Variants in OR4Q3 observed in about 807,000 individuals in gnomAD.
The protein encoded by OR4Q3 is olfactory receptor family 4 subfamily Q member 3.
In OR4Q3, 17 loss-of-function variants were observed where a neutral mutation model predicts 18.8. The ratio of observed to expected loss-of-function variants is 0.91; its 90% CI spans 0.62 to 1.36. The LOEUF is 1.36. OR4Q3 is among the 40% of genes most tolerant of loss of function. The pLI, the probability that OR4Q3 is intolerant of heterozygous loss-of-function variation, is 0.00. For missense variants in OR4Q3, 378 were observed against 373.4 expected (o/e 1.01, Z -0.10); for synonymous variants, 158 against 145.8 (o/e 1.08, Z -0.60).
chr14:19,752,293 A>C, downstream of OR4Q3, among the ~76,000 whole-genome samples: 1 of 152,224 alleles, frequency 6.6e-6, no homozygotes, highest in African/African-American at 2.4e-5. Context: ...CTAATATCCC[A>C]AATGTAAATA....
downstream of OR4Q3, among the ~76,000 whole-genome samples, chr14:19,751,598 C>A: frequency 6.6e-6 from 1 of 151,482 alleles, no homozygotes; most frequent in African/African-American, 2.4e-5. Context: ...GGATTACAAT[C>A]TCTTCCTAAT....
chr14:19,748,045 G>A, exon 2 of OR4Q3: 1 of 1,614,042 alleles, frequency 6.2e-7, no homozygotes, highest in Non-Finnish European at 8.5e-7. Context: ...ACAGTGGTCT[G>A]CTGTCTCTTG....
intron 1 of OR4Q3, among the ~76,000 whole-genome samples, chr14:19,746,526 G>A: frequency 3.3e-4 from 50 of 152,254 alleles, no homozygotes; most frequent in Middle Eastern, 3.4e-3. Flanking sequence ...GCATGCCTCC[G>A]TGATATGGGT....
chr14:19,750,788 T>C, downstream of OR4Q3, among the ~76,000 whole-genome samples: 4 of 152,376 alleles, frequency 2.6e-5, no homozygotes, highest in Admixed American at 6.5e-5. Context: ...GATTTCTAAA[T>C]AGTGTGGGTG....
chr14:19,749,620 A>G, downstream of OR4Q3, among the ~76,000 whole-genome samples: 1 of 148,020 alleles, frequency 6.8e-6, no homozygotes, highest in Non-Finnish European at 1.5e-5. Flanking sequence ...AAAAAAAAAA[A>G]AAAAAAAAAA....
At chr14:19,746,812 C>T in intron 1 of OR4Q3, among the ~76,000 whole-genome samples, 2 of 152,182 alleles carry the variant, frequency 1.3e-5, no homozygotes, top group Admixed American at 1.3e-4. Flanking sequence ...AACATTCTTC[C>T]TTCGATTTGA....
intron 1 of OR4Q3, among the ~76,000 whole-genome samples, chr14:19,746,378 G>A: frequency 5.9e-5 from 9 of 152,088 alleles, no homozygotes; most frequent in East Asian, 3.9e-4. Flanking sequence ...TGTAGAGCAG[G>A]GGAAAATGGA....
intron 1 of OR4Q3, 65 bp downstream of exon 1, chr14:19,743,736 T>C (rs572538571): frequency 1.3e-5 from 2 of 152,280 alleles, no homozygotes; most frequent in African/African-American, 2.4e-5. Flanking sequence ...TTTGATGCTA[T>C]TTTTATGTTT....
chr14:19,747,675 T>C, exon 2 of OR4Q3: 1 of 1,614,068 alleles, frequency 6.2e-7, no homozygotes, highest in Non-Finnish European at 8.5e-7. Context: ...CCAAAGATGT[T>C]AGGGGATTTC....
At chr14:19,745,511 T>C in intron 1 of OR4Q3, among the ~76,000 whole-genome samples, 1 of 152,318 alleles carries the variant, frequency 6.6e-6, no homozygotes, top group East Asian at 1.9e-4. Flanking sequence ...TAACATTGTG[T>C]AGGATTATGT....
At chr14:19,744,896 A>C in intron 1 of OR4Q3, among the ~76,000 whole-genome samples, 1 of 152,084 alleles carries the variant, frequency 6.6e-6, no homozygotes. Context: ...CACAGGCTTA[A>C]TTTCTTATTG....
downstream of OR4Q3, among the ~76,000 whole-genome samples, chr14:19,750,263 G>A: frequency 1.2e-4 from 18 of 152,256 alleles, no homozygotes; most frequent in African/African-American, 3.6e-4. Context: ...GGGATTACAG[G>A]CATGAGCCAC....
chr14:19,748,348 T>C, exon 2 of OR4Q3: 19 of 1,608,814 alleles, frequency 1.2e-5, no homozygotes, highest in East Asian at 2.2e-5. Context: ...TAAAACCATG[T>C]GGCATTCCAT....
chr14:19,749,684 A>G, downstream of OR4Q3, among the ~76,000 whole-genome samples: 6 of 147,182 alleles, frequency 4.1e-5, no homozygotes, highest in South Asian at 8.5e-4. Context: ...ATTTCTCCTC[A>G]GAAAGAGTAT....
intron 1 of OR4Q3, among the ~76,000 whole-genome samples, chr14:19,746,521 C>A: frequency 6.6e-6 from 1 of 152,156 alleles, no homozygotes; most frequent in Non-Finnish European, 1.5e-5. Flanking sequence ...TTTGTGCATG[C>A]CTCCGTGATA....
chr14:19,748,589 A>C lies in OR4Q3; in HGVS notation c.*220A>C. On this transcript the variant is annotated 3_prime_UTR_variant, in exon 2 of 2. Coordinates refer to ENST00000642117, the Ensembl canonical transcript of OR4Q3. ...CATAATCAAGAGAACTCAGGAACTC[A>C]GTAGAATTTACTGGCCACAAACGAT... 15 of 506,220 alleles carry C rather than the reference A, an allele frequency of 3.0e-5. No individual in the cohort carries two copies. In the East Asian group the frequency reaches 4.6e-4, roughly 16 times the overall value. 31.4% of individuals were successfully genotyped at this position (506,220 alleles called of 1,614,324 possible).
exon 2 of OR4Q3, chr14:19,748,443 A>G: frequency 4.5e-6 from 5 of 1,110,014 alleles, no homozygotes; most frequent in East Asian, 2.5e-5. Flanking sequence ...GTACATGGGT[A>G]AAAACCACTT....
chr14:19,746,797 T>G, intron 1 of OR4Q3, among the ~76,000 whole-genome samples: 1 of 152,362 alleles, frequency 6.6e-6, no homozygotes, highest in East Asian at 1.9e-4. Context: ...ATTTGTTGTT[T>G]ACAAAACATT....
At chr14:19,750,973 A>G, downstream of OR4Q3, among the ~76,000 whole-genome samples, 1 of 152,250 alleles carries the variant, frequency 6.6e-6, no homozygotes, top group Non-Finnish European at 1.5e-5. Context: ...TGCGTGAGTT[A>G]CAGAAAGATT....
Sources: gnomAD v4.1 joint callset for allele counts (sites outside exome capture counted in the v4.1 genomes callset) on GRCh38, gnomAD v4.1.1 for gene constraint, MANE v1.5 for transcripts, NCBI Gene and HGNC (gene_info 2026-07-23, HGNC 2026-07-21) for gene names.